KLRG1: variants seen among roughly 807,000 people sequenced by gnomAD.
KLRG1 encodes killer cell lectin like receptor G1.
In KLRG1, 16 loss-of-function variants were observed where a neutral mutation model predicts 21.8. The observed-to-expected ratio is 0.73, with a 90% CI of 0.50 to 1.11. The LOEUF is 1.11. Ranked by LOEUF, KLRG1 falls within the 50% of genes most tolerant of loss-of-function variation. The pLI is 0.00. For missense variants in KLRG1, 173 were observed against 218.3 expected (o/e 0.79, Z 1.31); for synonymous variants, 69 against 75.9 (o/e 0.91, Z 0.47).
chr12:9,080,712 A>T, the KLRG1 span, among the ~76,000 whole-genome samples: 1 of 152,238 alleles, frequency 6.6e-6, no homozygotes, highest in Non-Finnish European at 1.5e-5. Context: ...GTGAAGACGA[A>T]CAGTATTTGA....
At chr12:9,182,427 T>TAC in the KLRG1 span, among the ~76,000 whole-genome samples, 2 of 151,912 alleles carry the variant, frequency 1.3e-5, no homozygotes, top group Non-Finnish European at 2.9e-5. Flanking sequence ...TGCATATATA[T>TAC]GTGACAACTA....
At chr12:9,196,893 T>C in the KLRG1 span, 1 of 890,504 alleles carries the variant, frequency 1.1e-6, no homozygotes, top group Non-Finnish European at 1.8e-6. Context: ...CAGAAATTCG[T>C]TTTTTGGTGG....
the KLRG1 span, among the ~76,000 whole-genome samples, chr12:9,199,742 T>C: frequency 2.0e-5 from 3 of 152,108 alleles, no homozygotes; most frequent in Non-Finnish European, 2.9e-5. Context: ...AAAAAACTAC[T>C]GTAGAGGAGG....
At chr12:9,166,258 C>T in the KLRG1 span, 108 of 1,565,304 alleles carry the variant, frequency 6.9e-5, no homozygotes, top group Non-Finnish European at 8.9e-5. Context: ...TTTCATGGTG[C>T]ACATGTGAGA....
chr12:9,067,694 A>AG, the KLRG1 span: 3 of 799,642 alleles, frequency 3.8e-6, no homozygotes. Context: ...TTGAATGAAC[A>AG]GGAAACAGGG....
the KLRG1 span, among the ~76,000 whole-genome samples, chr12:9,193,567 G>T: frequency 2.0e-5 from 3 of 152,096 alleles, no homozygotes; most frequent in African/African-American, 7.2e-5. Flanking sequence ...GAGTTAACAC[G>T]TGAAACTGAG....
chr12:9,150,860 C>A, the KLRG1 span: 2 of 697,336 alleles, frequency 2.9e-6, no homozygotes, highest in East Asian at 2.8e-5. Context: ...TTTAGGTGAC[C>A]AGACATTTGT....
At chr12:9,165,824 T>C in the KLRG1 span, among the ~76,000 whole-genome samples, 29 of 152,346 alleles carry the variant, frequency 1.9e-4, 1 homozygote, top group African/African-American at 6.5e-4. Context: ...ATAGTTCTCA[T>C]GTCTACTATT....
At chr12:9,196,707 A>G in the KLRG1 span, 1 of 1,527,242 alleles carries the variant, frequency 6.5e-7, no homozygotes, top group South Asian at 1.1e-5. Flanking sequence ...ACCAAAACCA[A>G]TAAATGTCAA....
At chr12:9,114,398 C>A in the KLRG1 span, among the ~76,000 whole-genome samples, 1 of 152,010 alleles carries the variant, frequency 6.6e-6, no homozygotes, top group South Asian at 2.1e-4. Flanking sequence ...TAAGTAATAG[C>A]AAAAGATATT....
chr12:9,078,154 T>C, the KLRG1 span, among the ~76,000 whole-genome samples: 3 of 152,158 alleles, frequency 2.0e-5, no homozygotes, highest in African/African-American at 2.4e-5. Context: ...TGGTGGTTTC[T>C]TGCACCTATT....
intron 1 of KLRG1, among the ~76,000 whole-genome samples, chr12:8,984,237 C>G (rs887479550): frequency 6.6e-6 from 1 of 152,114 alleles, no homozygotes; most frequent in Non-Finnish European, 1.5e-5. Flanking sequence ...GAGTCTCGCT[C>G]TGTCACCTAG....
Position 8,996,306 on chromosome 12 carries a change from G to A in KLRG1, c.357+1018G>A, listed in dbSNP as rs111729428. On this transcript the variant is annotated intron_variant, in intron 3 of 4. Transcript: ENST00000356986. ...GGAACTGACATCCTGAGGTTGCCTA[G>A]TATAAAAATCAATCAAATTCTAATT... is the stretch of plus-strand genomic sequence containing the variant. 5.9e-3 allele frequency among the ~76,000 whole-genome samples: 898 copies of A among 152,254 alleles called. 11 individuals carry two copies. The highest frequency in any genetic ancestry group is 0.02 in the African/African-American group (822 of 41,540).
At chr12:9,005,302 T>C (rs141462731) in intron 3 of KLRG1, among the ~76,000 whole-genome samples, 1 of 152,092 alleles carries the variant, frequency 6.6e-6, no homozygotes, top group African/African-American at 2.4e-5. Context: ...TGTATACCTA[T>C]GTAACAAAAC....
the KLRG1 span, chr12:9,151,784 A>G: frequency 3.7e-6 from 3 of 809,250 alleles, no homozygotes; most frequent in East Asian, 2.7e-5. Context: ...AAGAGAAGAA[A>G]GCTAATTGTT....
At chr12:8,951,510 C>T (rs1429980366) in intron 1 of KLRG1, among the ~76,000 whole-genome samples, 5 of 152,190 alleles carry the variant, frequency 3.3e-5, no homozygotes, top group African/African-American at 7.2e-5. Flanking sequence ...ATATCCTTGA[C>T]TTTACAAATA....
chr12:9,200,958 A>G, the KLRG1 span: 3 of 1,614,062 alleles, frequency 1.9e-6, no homozygotes, highest in East Asian at 6.7e-5. Flanking sequence ...ACCACCCTGT[A>G]GGAGCCCTGA....
At chr12:9,026,438 A>G in the KLRG1 span, among the ~76,000 whole-genome samples, 47,735 of 152,114 alleles carry the variant, frequency 0.31, 7,549 homozygotes, top group Admixed American at 0.38. Flanking sequence ...CACTGGCAAC[A>G]GATGAGGGTA....
At chr12:9,142,550 C>T in the KLRG1 span, among the ~76,000 whole-genome samples, 1 of 152,124 alleles carries the variant, frequency 6.6e-6, no homozygotes, top group Non-Finnish European at 1.5e-5. Flanking sequence ...TTTACTTTTC[C>T]TCTAAAAATA....
Sources: gnomAD v4.1 joint callset for allele counts (sites outside exome capture counted in the v4.1 genomes callset) on GRCh38, gnomAD v4.1.1 for gene constraint, MANE v1.5 for transcripts, NCBI Gene and HGNC (gene_info 2026-07-23, HGNC 2026-07-21) for gene names.